UPF3B: variants seen among roughly 807,000 people sequenced by gnomAD.
The protein encoded by UPF3B is regulator of nonsense transcripts 3B.
Under a neutral mutation model 40.3 loss-of-function variants are expected in UPF3B, and 7 were observed. The ratio of observed to expected loss-of-function variants is 0.17; its 90% CI spans 0.10 to 0.33. The LOEUF (loss-of-function observed/expected upper bound fraction) is 0.33. UPF3B is among the 10% of genes least tolerant of loss of function. The probability of loss-of-function intolerance (pLI) is 1.00; values close to 1 mark genes in which losing one functional copy is unlikely to be tolerated. For synonymous variants in UPF3B, 117 were observed against 117.3 expected (o/e 1.00, Z 0.01); for missense variants, 229 against 358.9 (o/e 0.64, Z 2.93).
At chrX:119,848,281 C>CAAA (rs144679153) in intron 3 of UPF3B, among the ~76,000 whole-genome samples, 2,323 of 23,291 alleles carry the variant, frequency 0.1, 302 homozygotes, top group African/African-American at 0.28. Flanking sequence ...GACTCCATCT[C>CAAA]AAAAAAAAAA....
chrX:119,823,353 A>G (rs1344087443), intron 3 of UPF3B, among the ~76,000 whole-genome samples: 2 of 110,814 alleles, frequency 1.8e-5, no homozygotes, highest in African/African-American at 6.6e-5. Flanking sequence ...AAGGAATCCT[A>G]CCACCTCAGC....
intron 10 of UPF3B, among the ~76,000 whole-genome samples, chrX:119,835,353 C>G (rs765993339): frequency 4.0e-4 from 45 of 111,556 alleles, no homozygotes; most frequent in Non-Finnish European, 7.9e-4. Flanking sequence ...CCTCCCACCT[C>G]AGGTACCTAG....
At chrX:119,842,601 C>CACACACAT (rs1202472913) in intron 5 of UPF3B, among the ~76,000 whole-genome samples, 1 of 91,078 alleles carries the variant, frequency 1.1e-5, no homozygotes, top group African/African-American at 4.5e-5. Context: ...CACACACACA[C>CACACACAT]ACATACACAC....
At chrX:119,836,034 T>C (rs891392291) in intron 10 of UPF3B, among the ~76,000 whole-genome samples, 1 of 110,628 alleles carries the variant, frequency 9.0e-6, no homozygotes, top group African/African-American at 3.3e-5. Context: ...AAGCATAATT[T>C]GTGGAATTTG....
chrX:119,825,074 C>T, intron 3 of UPF3B, among the ~76,000 whole-genome samples: 2 of 111,482 alleles, frequency 1.8e-5, no homozygotes, highest in Middle Eastern at 4.6e-3. Flanking sequence ...GCCGTATCTC[C>T]ATTTCTTTCA....
chrX:119,847,959 G>A (rs1017468503), intron 3 of UPF3B, among the ~76,000 whole-genome samples: 7 of 109,792 alleles, frequency 6.4e-5, no homozygotes, highest in African/African-American at 2.3e-4. Context: ...CACAAAATGT[G>A]GTATATACAT....
At position 119,835,036 on chromosome X, in the gene UPF3B, C is replaced by G. The variant is rs763573988; in HGVS notation, c.1303-9G>C. The G allele has an allele frequency of 1.0e-5, 12 of 1,197,752 alleles. No individual in the cohort carries two copies. Among genetic ancestry groups the G allele is most frequent in the Non-Finnish European group, 1.1e-5 (10 of 886,700 alleles). ...TGCATCGCTGGACGATCCTGAAGTA[C>G]AATAAAATATGTTACCATTACAACA... On this transcript the variant is annotated splice_polypyrimidine_tract_variant and intron_variant, in intron 10 of 10. Transcript: ENST00000276201.
chrX:119,838,651 A>T (rs1490277459), intron 8 of UPF3B, 124 bp from the exon 9 acceptor site: 2 of 669,433 alleles, frequency 3.0e-6, no homozygotes, highest in East Asian at 6.5e-5. Flanking sequence ...AGGTACACTT[A>T]ATCTTTCAGG....
At chrX:119,837,013 G>A (rs779315646) in intron 10 of UPF3B, among the ~76,000 whole-genome samples, 3 of 106,232 alleles carry the variant, frequency 2.8e-5, no homozygotes, top group South Asian at 4.3e-4. Flanking sequence ...GCGTGATCTC[G>A]GCTCACCTCA....
intron 8 of UPF3B, 179 bp downstream of exon 8, chrX:119,840,467 G>A (rs755391161): frequency 1.7e-5 from 7 of 402,516 alleles, no homozygotes; most frequent in Non-Finnish European, 3.0e-5. Flanking sequence ...AGTCACCTGG[G>A]CTTCCTTTTA....
At chrX:119,822,888 A>C (rs2055936752) in intron 4 of UPF3B, 1 of 741,899 alleles carries the variant, frequency 1.3e-6, no homozygotes. Context: ...GATTACAGGC[A>C]TGAGCCACCA....
chrX:119,823,134 C>G, intron 3 of UPF3B: 2 of 383,468 alleles, frequency 5.2e-6, no homozygotes, highest in Non-Finnish European at 6.7e-6. Flanking sequence ...TTAATATATA[C>G]TAAAGCCCAG....
intron 3 of UPF3B, among the ~76,000 whole-genome samples, chrX:119,824,769 T>C (rs1369123332): frequency 5.9e-4 from 56 of 94,326 alleles, no homozygotes; most frequent in Middle Eastern, 5.2e-3. Flanking sequence ...TCTTTCTTTT[T>C]TTTTTTTTTT....
intron 4 of UPF3B, among the ~76,000 whole-genome samples, chrX:119,819,562 T>C (rs1013070627): frequency 1.3e-4 from 14 of 111,563 alleles, no homozygotes; most frequent in African/African-American, 4.2e-4. Context: ...CTTTTTTGTT[T>C]CCTAATTTTA....
intron 4 of UPF3B, among the ~76,000 whole-genome samples, chrX:119,818,975 T>C (rs1216069890): frequency 9.1e-6 from 1 of 110,107 alleles, no homozygotes; most frequent in African/African-American, 3.3e-5. Context: ...AGAGCAAAGG[T>C]CATGGCAATA....
At chrX:119,837,615 C>CAAAA (rs34350340) in intron 10 of UPF3B, 142 bp downstream of exon 10, 12 of 402,269 alleles carry the variant, frequency 3.0e-5, no homozygotes, top group Non-Finnish European at 4.1e-5. Flanking sequence ...GACTCTGTCT[C>CAAAA]AAAAAAAAAA....
intron 3 of UPF3B, among the ~76,000 whole-genome samples, chrX:119,846,291 G>A (rs2056230729): frequency 1.8e-5 from 2 of 110,650 alleles, no homozygotes; most frequent in African/African-American, 6.6e-5. Context: ...CCGAGATCAT[G>A]CCACTGCACT....
intron 2 of UPF3B, 49 bp from the exon 3 acceptor site, chrX:119,851,650 C>CA (rs940017764): frequency 4.9e-6 from 5 of 1,011,685 alleles, no homozygotes; most frequent in Non-Finnish European, 6.9e-6. Context: ...GTGTCTGGCC[C>CA]AATTACAAGT....
intron 5 of UPF3B, among the ~76,000 whole-genome samples, chrX:119,811,624 G>A (rs1325746453): frequency 2.2e-5 from 2 of 90,440 alleles, no homozygotes; most frequent in Non-Finnish European, 4.3e-5. Context: ...CCAGTCTGGT[G>A]ACAGAGTGAG....
Sources: gnomAD v4.1 joint callset for allele counts (sites outside exome capture counted in the v4.1 genomes callset) on GRCh38, gnomAD v4.1.1 for gene constraint, MANE v1.5 for transcripts, NCBI Gene and HGNC (gene_info 2026-07-23, HGNC 2026-07-21) for gene names.